Variants in NAV1 observed in about 807,000 individuals in gnomAD.
NAV1 encodes pore membrane and/or filament interacting like protein 3.
In NAV1, 18 loss-of-function variants were observed where a neutral mutation model predicts 175.2. That is an observed-to-expected ratio of 0.10 (90% CI 0.07 to 0.15). The LOEUF is 0.15. Ranked by LOEUF, NAV1 falls within the 10% of genes least tolerant of loss-of-function variation. NAV1 has a pLI of 1.00. For synonymous variants in NAV1, 897 were observed against 978.7 expected (o/e 0.92, Z 1.56); for missense variants, 1,731 against 2,436.6 (o/e 0.71, Z 6.10).
chr1:201,617,799 C>T (rs991488457), intron 2 of NAV1, among the ~76,000 whole-genome samples: 1 of 152,150 alleles, frequency 6.6e-6, no homozygotes, highest in Non-Finnish European at 1.5e-5. Context: ...GAGATGAGGG[C>T]CATTGTAGCT....
intron 2 of NAV1, among the ~76,000 whole-genome samples, chr1:201,717,893 C>G (rs1672205246): frequency 6.6e-6 from 1 of 152,188 alleles, no homozygotes; most frequent in Non-Finnish European, 1.5e-5. Flanking sequence ...ACAAAATGAC[C>G]AAGGCCTTCT....
chr1:201,648,661 C>G (rs1465799961), exon 1 of NAV1: 43 of 1,389,308 alleles, frequency 3.1e-5, no homozygotes, highest in Non-Finnish European at 3.9e-5. Context: ...GCGCTCCTCG[C>G]GGGCAGAATG....
upstream of NAV1, among the ~76,000 whole-genome samples, chr1:201,620,511 T>G (rs1466655201): frequency 1.5e-5 from 2 of 137,454 alleles, no homozygotes; most frequent in Non-Finnish European, 3.0e-5. Context: ...CAGGCTGGAG[T>G]GCAGTGGCGC....
chr1:201,782,305 G>C lies in NAV1; in HGVS notation c.1793G>C (p.Arg598Pro). ...AAGAAGCCCCCCTCGGGCATTGCTCGCCCCTCCACTTCGGGATCCTTTGGC... is the reference window on the plus strand; with the variant it reads ...AAGAAGCCCCCCTCGGGCATTGCTCCCCCCTCCACTTCGGGATCCTTTGGC... Residue 598 changes from arginine to proline, a missense_variant, in exon 6 of 30, where the codon CGC (arginine) becomes CCC (proline). Arg to Pro is a moderately radical substitution (Grantham distance 103). Transcript: ENST00000367296. This position sits in a 1 kb window ranked among gnomAD's most constrained non-coding sequence, Gnocchi z 5.4. 2 of 1,614,132 alleles carry C rather than the reference G, an allele frequency of 1.2e-6. No homozygotes were observed. Among genetic ancestry groups the C allele is most frequent in the East Asian group, 2.2e-5 (1 of 44,862 alleles).
At chr1:201,563,039 T>C (rs1666248710) in intron 1 of NAV1, among the ~76,000 whole-genome samples, 1 of 152,174 alleles carries the variant, frequency 6.6e-6, no homozygotes, top group African/African-American at 2.4e-5. Context: ...GTTATGAGTA[T>C]TTAGAGTGGC....
intron 1 of NAV1, among the ~76,000 whole-genome samples, chr1:201,672,362 C>T (rs1670074412): frequency 6.6e-6 from 1 of 152,114 alleles, no homozygotes; most frequent in Admixed American, 6.6e-5. Context: ...TGAGTTACAG[C>T]CTGCAATTTG....
chr1:201,650,172 A>C (rs911073380), intron 1 of NAV1, among the ~76,000 whole-genome samples: 1 of 152,236 alleles, frequency 6.6e-6, no homozygotes, highest in South Asian at 2.1e-4. Flanking sequence ...GAAGCCGAGC[A>C]GGCGGGAAGG....
At chr1:201,777,587 T>G (rs1197716152) in intron 3 of NAV1, among the ~76,000 whole-genome samples, 1 of 152,066 alleles carries the variant, frequency 6.6e-6, no homozygotes, top group Admixed American at 6.6e-5. Context: ...TCTGTCACTC[T>G]TTAACTTTTA....
At chr1:201,661,346 T>C (rs926696836) in intron 1 of NAV1, among the ~76,000 whole-genome samples, 1 of 152,074 alleles carries the variant, frequency 6.6e-6, no homozygotes, top group African/African-American at 2.4e-5. Flanking sequence ...CACTGTCTAG[T>C]GTAGGAAGCA....
At chr1:201,763,749 A>T (rs1407152635) in intron 3 of NAV1, among the ~76,000 whole-genome samples, 2 of 152,010 alleles carry the variant, frequency 1.3e-5, no homozygotes, top group East Asian at 3.9e-4. Flanking sequence ...CTATATTCTC[A>T]CTTCTCTGTC....
chr1:201,620,878 T>C (rs1356790873), upstream of NAV1, among the ~76,000 whole-genome samples: 1 of 152,346 alleles, frequency 6.6e-6, no homozygotes, highest in East Asian at 1.9e-4. Context: ...CAATTTCTAA[T>C]AAAGTCTTTG....
chr1:201,661,442 G>T (rs1669611994), intron 1 of NAV1, among the ~76,000 whole-genome samples: 1 of 152,194 alleles, frequency 6.6e-6, no homozygotes, highest in Non-Finnish European at 1.5e-5. Flanking sequence ...AGCCTCCCCA[G>T]ATGTACAGGA....
In NAV1 at chr1:201,813,540, A is replaced by T. The variant is rs77251726; in HGVS notation, c.5340+282A>T. ...CTCTAGGGGTCAGAGCAAACAGAAA[A>T]ATAATTGAGCTAAGAAGTAAGTAAA... On this transcript the variant is annotated intron_variant, in intron 28 of 29. Coordinates refer to ENST00000367296, the Ensembl canonical transcript of NAV1. This position sits in a 1 kb window ranked among gnomAD's most constrained non-coding sequence, Gnocchi z 4.2. Among the ~76,000 whole-genome samples, 792 of 152,298 alleles carry T rather than the reference A, an allele frequency of 5.2e-3. 5 individuals carry two copies. Among genetic ancestry groups the T allele is most frequent in the African/African-American group, 0.018 (746 of 41,554 alleles).
At chr1:201,803,839 G>T (rs1386691452) in intron 16 of NAV1, 125 bp downstream of exon 20, 18 of 1,247,630 alleles carry the variant, frequency 1.4e-5, no homozygotes, top group Non-Finnish European at 1.9e-5. Context: ...GAGCCCTAGT[G>T]TGATGTCCGC....
intron 1 of NAV1, among the ~76,000 whole-genome samples, chr1:201,678,561 A>G (rs554369010): frequency 1.3e-5 from 2 of 152,336 alleles, no homozygotes; most frequent in East Asian, 1.9e-4. Context: ...CCTCTCCTAT[A>G]GTGAGTTTCC....
At chr1:201,630,191 G>A (rs559327014) in intron 2 of NAV1, among the ~76,000 whole-genome samples, 5 of 152,214 alleles carry the variant, frequency 3.3e-5, no homozygotes, top group Admixed American at 1.3e-4. Flanking sequence ...CAGCACTTAC[G>A]GACGTGTGCT....
At chr1:201,675,124 C>T (rs963170749) in intron 1 of NAV1, among the ~76,000 whole-genome samples, 1 of 152,132 alleles carries the variant, frequency 6.6e-6, no homozygotes, top group Non-Finnish European at 1.5e-5. Flanking sequence ...CATCAGGCCC[C>T]ACCTCTGACC....
chr1:201,748,560 T>C (rs770171538), intron 3 of NAV1, among the ~76,000 whole-genome samples: 1 of 152,230 alleles, frequency 6.6e-6, no homozygotes, highest in Non-Finnish European at 1.5e-5. Context: ...ATGAGTCTCT[T>C]GCAGGAGGGA....
chr1:201,714,432 A>C (rs1057251487), intron 2 of NAV1, among the ~76,000 whole-genome samples: 2 of 152,184 alleles, frequency 1.3e-5, no homozygotes, highest in African/African-American at 4.8e-5. Context: ...GAGTATTTTA[A>C]ATGGTAAGAT....
Sources: allele counts gnomAD v4.1 joint callset (sites outside exome capture counted in the v4.1 genomes callset), GRCh38; gene constraint gnomAD v4.1.1; non-coding constraint Gnocchi (gnomAD v3.1); transcripts MANE v1.5; gene names NCBI Gene and HGNC (gene_info 2026-07-23, HGNC 2026-07-21).